ITFG1: variants seen among roughly 807,000 people sequenced by gnomAD.
ITFG1 encodes the protein integrin alpha FG-GAP repeat containing 1.
Under a neutral mutation model 81.8 loss-of-function variants are expected in ITFG1, and 34 were observed. That is an observed-to-expected ratio of 0.42 (90% CI 0.32 to 0.55). The LOEUF is 0.55. ITFG1 is among the 20% of genes least tolerant of loss of function. ITFG1 has a pLI of 0.17. For missense variants in ITFG1, 672 were observed against 755.4 expected (o/e 0.89, Z 1.29); for synonymous variants, 285 against 270.6 (o/e 1.05, Z -0.52).
At chr16:47,175,196 T>G (rs964130618) in intron 14 of ITFG1, among the ~76,000 whole-genome samples, 1 of 152,084 alleles carries the variant, frequency 6.6e-6, no homozygotes, top group Non-Finnish European at 1.5e-5. Context: ...GATTATAATG[T>G]GCCAGAATCT....
At chr16:47,235,102 G>A (rs969760396) in intron 13 of ITFG1, among the ~76,000 whole-genome samples, 4 of 152,076 alleles carry the variant, frequency 2.6e-5, no homozygotes, top group Admixed American at 6.6e-5. Context: ...GCATGAGAAC[G>A]GACTAATACA....
At chr16:47,252,708 A>G (rs1444612743) in intron 12 of ITFG1, among the ~76,000 whole-genome samples, 1 of 152,222 alleles carries the variant, frequency 6.6e-6, no homozygotes, top group African/African-American at 2.4e-5. Flanking sequence ...CACATATAAA[A>G]GCTTAAGTAT....
At chr16:47,232,739 C>T (rs1965829310) in intron 13 of ITFG1, among the ~76,000 whole-genome samples, 2 of 151,702 alleles carry the variant, frequency 1.3e-5, no homozygotes, top group African/African-American at 4.8e-5. Flanking sequence ...CCTCCCCAGG[C>T]TCAGGTGATT....
intron 13 of ITFG1, among the ~76,000 whole-genome samples, chr16:47,226,419 C>T (rs1248551436): frequency 1.3e-5 from 2 of 152,086 alleles, no homozygotes; most frequent in South Asian, 4.1e-4. Flanking sequence ...ATGTGCACAA[C>T]GTGCAGGTTT....
intron 6 of ITFG1, among the ~76,000 whole-genome samples, chr16:47,392,100 T>TA (rs1269624842): frequency 6.6e-6 from 1 of 152,112 alleles, no homozygotes; most frequent in Non-Finnish European, 1.5e-5. Context: ...AAAGCAAACT[T>TA]ACAAAGTGAT....
At chr16:47,211,344 T>C (rs1311889483) in intron 14 of ITFG1, among the ~76,000 whole-genome samples, 1 of 152,248 alleles carries the variant, frequency 6.6e-6, no homozygotes. Flanking sequence ...TGTACAGACA[T>C]ACAACTGATT....
intron 13 of ITFG1, among the ~76,000 whole-genome samples, chr16:47,229,961 T>C (rs944872391): frequency 1.3e-5 from 2 of 152,240 alleles, no homozygotes; most frequent in Non-Finnish European, 2.9e-5. Context: ...AGTATATTGT[T>C]ATAACTGTTC....
intron 8 of ITFG1, among the ~76,000 whole-genome samples, chr16:47,332,926 T>C (rs997663590): frequency 2.0e-5 from 3 of 152,268 alleles, no homozygotes; most frequent in Non-Finnish European, 4.4e-5. Flanking sequence ...TATTCATCTA[T>C]GAAATAATTG....
intron 5 of ITFG1, among the ~76,000 whole-genome samples, chr16:47,433,770 A>AATATATATATATATATATAT (rs59030134): frequency 4.0e-5 from 5 of 124,476 alleles, no homozygotes; most frequent in African/African-American, 9.8e-5. Flanking sequence ...ATAAAAACTG[A>AATATATATATATATATATAT]ATATATATAT....
chr16:47,445,017 A>T (rs1969305202), intron 5 of ITFG1, among the ~76,000 whole-genome samples: 1 of 151,746 alleles, frequency 6.6e-6, no homozygotes, highest in African/African-American at 2.4e-5. Flanking sequence ...ATGCTACCAC[A>T]ACCCCACTCC....
chr16:47,327,981 C>T (rs1399158695), intron 8 of ITFG1, among the ~76,000 whole-genome samples: 1 of 152,068 alleles, frequency 6.6e-6, no homozygotes, highest in Admixed American at 6.6e-5. Flanking sequence ...GGCTATATAC[C>T]CAAAGGATTA....
chr16:47,371,097 C>A (rs1432789118), intron 7 of ITFG1, among the ~76,000 whole-genome samples: 1 of 152,156 alleles, frequency 6.6e-6, no homozygotes, highest in African/African-American at 2.4e-5. Flanking sequence ...CTGTTGCAGT[C>A]ATCTCTTTAC....
At chr16:47,419,104 C>G (rs542618924) in intron 6 of ITFG1, among the ~76,000 whole-genome samples, 1 of 152,088 alleles carries the variant, frequency 6.6e-6, no homozygotes, top group Non-Finnish European at 1.5e-5. Flanking sequence ...CACTAGTTCA[C>G]GTTGTTTTAT....
At chr16:47,178,648 T>C (rs1567414794) in intron 14 of ITFG1, among the ~76,000 whole-genome samples, 1 of 152,152 alleles carries the variant, frequency 6.6e-6, no homozygotes, top group Non-Finnish European at 1.5e-5. Context: ...GGCAATACCA[T>C]TCAGGACATA....
chr16:47,244,444 T>A (rs1010114405), intron 12 of ITFG1, among the ~76,000 whole-genome samples: 1 of 152,134 alleles, frequency 6.6e-6, no homozygotes, highest in African/African-American at 2.4e-5. Flanking sequence ...TTGGTTGGTG[T>A]ACGGAGGGGG....
intron 14 of ITFG1, among the ~76,000 whole-genome samples, chr16:47,209,426 A>G (rs1965539263): frequency 6.6e-6 from 1 of 152,182 alleles, no homozygotes; most frequent in Non-Finnish European, 1.5e-5. Flanking sequence ...TTTAGGCTGC[A>G]AATAGTTACA....
chr16:47,390,617 G>A (rs921529170), intron 6 of ITFG1, among the ~76,000 whole-genome samples: 13 of 151,904 alleles, frequency 8.6e-5, no homozygotes, highest in African/African-American at 2.7e-4. Context: ...CCGCCACCAC[G>A]CCCGGCTAAT....
intron 14 of ITFG1, among the ~76,000 whole-genome samples, chr16:47,164,180 CTTT>C (rs77652330): frequency 1.5e-5 from 2 of 136,462 alleles, no homozygotes; most frequent in Non-Finnish European, 3.2e-5. Context: ...TGTTTAGTGA[CTTT>C]TTTTTTTTTT....
chr16:47,289,873 T>A (rs1966887524), intron 10 of ITFG1, among the ~76,000 whole-genome samples: 1 of 152,154 alleles, frequency 6.6e-6, no homozygotes, highest in African/African-American at 2.4e-5. Flanking sequence ...GTTTCATTCC[T>A]CCAACTAACT....
Sources: gnomAD v4.1 joint callset for allele counts (sites outside exome capture counted in the v4.1 genomes callset) on GRCh38, gnomAD v4.1.1 for gene constraint, MANE v1.5 for transcripts, NCBI Gene and HGNC (gene_info 2026-07-23, HGNC 2026-07-21) for gene names.